Variants in EDC3 observed in about 807,000 individuals in gnomAD.
The protein encoded by EDC3 is enhancer of mRNA-decapping protein 3.
A neutral mutation model predicts 41.8 loss-of-function variants in EDC3; 20 were observed. That is an observed-to-expected ratio of 0.48 (90% CI 0.34 to 0.70). The LOEUF is 0.70. Ranked by LOEUF, EDC3 falls within the 30% of genes least tolerant of loss-of-function variation. EDC3 has a pLI of 0.01. For missense variants in EDC3, 444 were observed against 636.8 expected, an observed-to-expected ratio of 0.70 and a Z score of 3.26; for synonymous variants, 206 against 243.2, an observed-to-expected ratio of 0.85 and a Z score of 1.42.
chr15:74,651,036 G>T (rs1191110161), intron 4 of EDC3, among the ~76,000 whole-genome samples: 2 of 152,054 alleles, frequency 1.3e-5, no homozygotes, highest in Non-Finnish European at 2.9e-5. Context: ...ATTAAAAAAA[G>T]AATCTTATGA....
chr15:74,694,802 C>G (rs776698131), intron 1 of EDC3, among the ~76,000 whole-genome samples: 21 of 152,052 alleles, frequency 1.4e-4, no homozygotes, highest in Non-Finnish European at 2.8e-4. Context: ...CTGTGGGTCA[C>G]AGGTAAAAAA....
At chr15:74,645,562 G>T (rs1403566111) in intron 4 of EDC3, 2 of 100,930 alleles carry the variant, frequency 2.0e-5, no homozygotes, top group African/African-American at 3.4e-5. Flanking sequence ...AATAAAAAAA[G>T]TTGGGGGGGG....
rs535634271 is a variant in EDC3 at position 74,694,885 on chromosome 15, T to A, written c.-19+995A>T. Among the ~76,000 whole-genome samples the A allele has an allele frequency of 4.9e-4, 75 of 151,840 alleles. 1 individual carries two copies. The highest frequency in any genetic ancestry group is 1.7e-3 in the African/African-American group (71 of 41,354). ...ACCAAGAAATTGGTAATAAACAAAA[T>A]GTCATGTTTTTACATCATACAGAGA... On this transcript the variant is annotated intron_variant, in intron 1 of 6. Transcript: ENST00000315127.
chr15:74,635,397 C>G lies in EDC3; in HGVS notation c.1192+12G>C, dbSNP rs552446361. ...GAGGAGGCCTTCAGCCCAGCCCTGC[C>G]TAAGTGCTCACCTTTGAGGCTAGAC... On this transcript the variant is annotated intron_variant, in intron 6 of 6. Coordinates refer to ENST00000315127, the MANE Select transcript of EDC3 (RefSeq NM_025083.5). 1.2e-6 allele frequency: 2 copies of G among 1,613,880 alleles called. No homozygotes were observed. Among genetic ancestry groups the G allele is most frequent in the Non-Finnish European group, 1.7e-6 (2 of 1,179,692 alleles).
chr15:74,664,934 A>T (rs895424041), intron 3 of EDC3, among the ~76,000 whole-genome samples: 1 of 152,236 alleles, frequency 6.6e-6, no homozygotes, highest in Non-Finnish European at 1.5e-5. Flanking sequence ...CCAGTAACAA[A>T]GAGAAAAAGG....
At chr15:74,634,097 C>T (rs2062243409) in intron 6 of EDC3, among the ~76,000 whole-genome samples, 1 of 152,168 alleles carries the variant, frequency 6.6e-6, no homozygotes, top group Admixed American at 6.5e-5. Flanking sequence ...TCATTTAAAC[C>T]CATTCCAGTC....
chr15:74,688,733 CTG>C (rs1185128500), intron 1 of EDC3, among the ~76,000 whole-genome samples: 3 of 152,042 alleles, frequency 2.0e-5, no homozygotes, highest in African/African-American at 7.3e-5. Context: ...TGGCAAAACC[CTG>C]TCTCTACTAA....
rs554376745 is a variant in EDC3, at chr15:74,665,980, T to G, written c.484+5475A>C. On this transcript the variant is annotated intron_variant, in intron 3 of 6. Transcript: ENST00000315127. ...ACCCAGCTGATTTTTTGTATTTGTG[T>G]ACAGACGGGGTTTCACCATGTTGCC... Among the ~76,000 whole-genome samples the G allele has an allele frequency of 2.0e-5, 3 of 152,104 alleles. No homozygotes were observed. In the South Asian group the frequency reaches 6.2e-4, roughly 32 times the overall value.
At chr15:74,647,735 A>T (rs2062433520) in intron 4 of EDC3, among the ~76,000 whole-genome samples, 1 of 152,216 alleles carries the variant, frequency 6.6e-6, no homozygotes, top group African/African-American at 2.4e-5. Flanking sequence ...GATCTGCTAG[A>T]GCCTGAGGTT....
intron 3 of EDC3, among the ~76,000 whole-genome samples, chr15:74,660,054 AAAAT>A (rs2062603253): frequency 6.6e-6 from 1 of 151,398 alleles, no homozygotes; most frequent in African/African-American, 2.4e-5. Flanking sequence ...AAAAGAAAAA[AAAAT>A]AAAATAAAAT....
chr15:74,679,406 C>A (rs2062843769), intron 1 of EDC3, among the ~76,000 whole-genome samples: 1 of 151,892 alleles, frequency 6.6e-6, no homozygotes, highest in Non-Finnish European at 1.5e-5. Flanking sequence ...TATTTAGGTC[C>A]CTACTCCTAG....
chr15:74,692,550 A>T (rs1351166139), intron 1 of EDC3, among the ~76,000 whole-genome samples: 3 of 152,028 alleles, frequency 2.0e-5, no homozygotes, highest in Non-Finnish European at 2.9e-5. Context: ...AAGATGACAT[A>T]AAAAAAAGGA....
At position 74,635,366 on chromosome 15, in the gene EDC3, A is replaced by C. The variant is rs781396659; in HGVS notation, c.1192+43T>G. The C allele has an allele frequency of 1.9e-6, 3 of 1,581,196 alleles. No individual in the cohort carries two copies. The African/African-American group carries it at 4.0e-5, about 21-fold the overall frequency. On this transcript the variant is annotated intron_variant, in intron 6 of 6. Transcript: ENST00000315127. ...GCATGACGAGACCATCAAACTGCTA[A>C]GGAGGGAGGAGGCCTTCAGCCCAGC...
chr15:74,690,004 C>T (rs528013218), intron 1 of EDC3, among the ~76,000 whole-genome samples: 2 of 152,224 alleles, frequency 1.3e-5, no homozygotes, highest in African/African-American at 2.4e-5. Context: ...AAAAAAAATA[C>T]ATCTTCCCTG....
intron 3 of EDC3, among the ~76,000 whole-genome samples, chr15:74,670,363 G>A (rs2062725566): frequency 6.6e-6 from 1 of 152,112 alleles, no homozygotes; most frequent in Admixed American, 6.6e-5. Flanking sequence ...CAGTTCTAGT[G>A]AATTAACTAT....
chr15:74,675,593 T>A (rs959188615), intron 1 of EDC3, among the ~76,000 whole-genome samples: 6 of 150,410 alleles, frequency 4.0e-5, no homozygotes, highest in Non-Finnish European at 7.4e-5. Flanking sequence ...GTTGTTTTTT[T>A]TTTTTTTGAG....
intron 1 of EDC3, among the ~76,000 whole-genome samples, chr15:74,692,348 C>T (rs576763952): frequency 8.5e-5 from 13 of 152,264 alleles, no homozygotes; most frequent in Admixed American, 7.2e-4. Context: ...ACTCAACTAA[C>T]TATATTAAGA....
chr15:74,637,320 G>A (rs892377069), intron 5 of EDC3: 1 of 152,252 alleles, frequency 6.6e-6, no homozygotes, highest in African/African-American at 2.4e-5. Flanking sequence ...CTAGAGAGGA[G>A]TGTGATTTGG....
intron 6 of EDC3, among the ~76,000 whole-genome samples, chr15:74,634,910 CACCA>C (rs1472782922): frequency 1.3e-5 from 2 of 152,294 alleles, no homozygotes; most frequent in East Asian, 3.9e-4. Context: ...CTGCCCATCT[CACCA>C]GAGTAAAAGC....
Sources: allele counts gnomAD v4.1 joint callset (sites outside exome capture counted in the v4.1 genomes callset), GRCh38; gene constraint gnomAD v4.1.1; transcripts MANE v1.5; gene names NCBI Gene and HGNC (gene_info 2026-07-23, HGNC 2026-07-21).